The following SLC24A2 variants were observed in gnomAD, a reference collection of about 807,000 sequenced individuals.
The protein encoded by SLC24A2 is solute carrier family 24 member 2.
SLC24A2 carries 36 observed loss-of-function variants against 62.0 expected under a neutral mutation model. The observed-to-expected ratio is 0.58, with a 90% confidence interval of 0.44 to 0.77. The LOEUF (loss-of-function observed/expected upper bound fraction) is 0.77, where lower values mean the gene tolerates loss of function less well. Ranked by LOEUF, SLC24A2 falls within the 30% of genes least tolerant of loss-of-function variation. SLC24A2 has a pLI of 0.00. For missense variants in SLC24A2, 846 were observed against 817.9 expected (o/e 1.03, Z -0.42); for synonymous variants, 358 against 294.0 (o/e 1.22, Z -2.23).
At chr9:19,751,271 G>A (rs776260576) in intron 2 of SLC24A2, among the ~76,000 whole-genome samples, 77 of 152,260 alleles carry the variant, frequency 5.1e-4, no homozygotes, top group Non-Finnish European at 4.4e-4. Flanking sequence ...ACCCTAGGAG[G>A]CCAGAGCTAC....
intron 2 of SLC24A2, among the ~76,000 whole-genome samples, chr9:19,717,196 C>A (rs1820884844): frequency 2.0e-5 from 3 of 152,162 alleles, no homozygotes; most frequent in Non-Finnish European, 2.9e-5. Context: ...GGAAAACAGG[C>A]CAAAGGGCTC....
the SLC24A2 span, among the ~76,000 whole-genome samples, chr9:20,111,249 T>C: frequency 6.6e-6 from 1 of 152,142 alleles, no homozygotes; most frequent in Non-Finnish European, 1.5e-5. Flanking sequence ...CATATATTCC[T>C]ATCCCTCACC....
At chr9:19,903,730 G>A in the SLC24A2 span, among the ~76,000 whole-genome samples, 5 of 152,220 alleles carry the variant, frequency 3.3e-5, no homozygotes, top group Non-Finnish European at 5.9e-5. Context: ...TGGAGTAAGC[G>A]TTAAGTCTGA....
At chr9:20,096,458 G>A in the SLC24A2 span, among the ~76,000 whole-genome samples, 29 of 151,888 alleles carry the variant, frequency 1.9e-4, no homozygotes, top group Non-Finnish European at 3.8e-4. Context: ...CCTGTCATCG[G>A]TTTTTTCTTT....
At chr9:20,092,630 T>C in the SLC24A2 span, among the ~76,000 whole-genome samples, 2 of 152,196 alleles carry the variant, frequency 1.3e-5, no homozygotes, top group Non-Finnish European at 2.9e-5. Flanking sequence ...ATATTCAAGG[T>C]GTACAATGTG....
At chr9:20,202,061 G>GTGTGTGTGTGTA in the SLC24A2 span, among the ~76,000 whole-genome samples, 2 of 143,582 alleles carry the variant, frequency 1.4e-5, no homozygotes, top group African/African-American at 5.8e-5. Flanking sequence ...GTGTGTGTGT[G>GTGTGTGTGTGTA]TGTGTGTGTG....
chr9:19,626,800 A>G (rs1818046076), intron 2 of SLC24A2, among the ~76,000 whole-genome samples: 1 of 152,190 alleles, frequency 6.6e-6, no homozygotes, highest in Admixed American at 6.5e-5. Flanking sequence ...TCAATACACT[A>G]CTGTAATAAA....
At chr9:19,539,272 T>C (rs1176603748) in intron 8 of SLC24A2, among the ~76,000 whole-genome samples, 116 of 68,508 alleles carry the variant, frequency 1.7e-3, no homozygotes, top group Admixed American at 4.4e-3. Flanking sequence ...GCTCTTGCTT[T>C]TCTAGTTCTT....
the SLC24A2 span, among the ~76,000 whole-genome samples, chr9:19,846,954 C>G: frequency 2.6e-5 from 4 of 151,906 alleles, no homozygotes; most frequent in Non-Finnish European, 5.9e-5. Flanking sequence ...CTTGGAATGT[C>G]GAGGCTGCAG....
chr9:19,843,214 T>C, the SLC24A2 span, among the ~76,000 whole-genome samples: 1 of 152,122 alleles, frequency 6.6e-6, no homozygotes, highest in African/African-American at 2.4e-5. Context: ...AAAAAAATAA[T>C]TTTGGGCCAG....
At chr9:19,912,157 AACTCTTCTGCTGAGAC>A in the SLC24A2 span, among the ~76,000 whole-genome samples, 1 of 152,060 alleles carries the variant, frequency 6.6e-6, no homozygotes, top group Admixed American at 6.6e-5. Context: ...ATGTTAGGCA[AACTCTTCTGCTGAGAC>A]ACATGCTTCC....
At chr9:19,752,072 T>C (rs73646144) in intron 2 of SLC24A2, among the ~76,000 whole-genome samples, 1 of 152,098 alleles carries the variant, frequency 6.6e-6, no homozygotes, top group East Asian at 1.9e-4. Context: ...ATGGCAGAAT[T>C]AGACCTGAAA....
At chr9:20,072,763 G>C in the SLC24A2 span, among the ~76,000 whole-genome samples, 1 of 151,978 alleles carries the variant, frequency 6.6e-6, no homozygotes, top group Non-Finnish European at 1.5e-5. Context: ...ATAGAGAAAG[G>C]AGCCATAAGC....
chr9:20,036,431 C>A, the SLC24A2 span, among the ~76,000 whole-genome samples: 72 of 150,454 alleles, frequency 4.8e-4, no homozygotes, highest in Non-Finnish European at 8.6e-4. Flanking sequence ...GAAAAAAAAT[C>A]AAACTTATTC....
the SLC24A2 span, among the ~76,000 whole-genome samples, chr9:19,931,456 T>C: frequency 4.1e-4 from 63 of 152,382 alleles, 1 homozygote; most frequent in African/African-American, 1.4e-3. Flanking sequence ...CTATTTAGAA[T>C]GTTAAAATTA....
chr9:19,946,434 A>G, the SLC24A2 span, among the ~76,000 whole-genome samples: 4 of 152,190 alleles, frequency 2.6e-5, no homozygotes, highest in Non-Finnish European at 5.9e-5. Context: ...GTATCATTAG[A>G]AGTTTATTTA....
At chr9:19,746,920 A>T (rs953651335) in intron 2 of SLC24A2, among the ~76,000 whole-genome samples, 1 of 152,142 alleles carries the variant, frequency 6.6e-6, no homozygotes, top group African/African-American at 2.4e-5. Context: ...CAACAATGAA[A>T]TCAACAATTT....
the SLC24A2 span, among the ~76,000 whole-genome samples, chr9:20,270,040 A>T: frequency 6.6e-6 from 1 of 152,196 alleles, no homozygotes; most frequent in African/African-American, 2.4e-5. Flanking sequence ...AGACGTGTGA[A>T]GAGGGAAGAC....
chr9:19,921,578 A>G, the SLC24A2 span, among the ~76,000 whole-genome samples: 1 of 152,018 alleles, frequency 6.6e-6, no homozygotes, highest in African/African-American at 2.4e-5. Context: ...TGCAATATTG[A>G]ATAATCTCAC....
Sources: gnomAD v4.1 joint callset for allele counts (sites outside exome capture counted in the v4.1 genomes callset) on GRCh38, gnomAD v4.1.1 for gene constraint, MANE v1.5 for transcripts, NCBI Gene and HGNC (gene_info 2026-07-23, HGNC 2026-07-21) for gene names.